Variants in SLC9C1 observed in about 807,000 individuals in gnomAD.
SLC9C1 encodes solute carrier family 9 member C1.
In SLC9C1, 97 loss-of-function variants were observed where a neutral mutation model predicts 140.9. The observed-to-expected ratio is 0.69, with a 90% CI of 0.58 to 0.82. The LOEUF is 0.82. SLC9C1 is among the 40% of genes least tolerant of loss of function. SLC9C1 has a pLI of 0.00. For missense variants in SLC9C1, 1,340 were observed against 1,389.3 expected, an observed-to-expected ratio of 0.96 and a Z score of 0.56; for synonymous variants, 440 against 442.6, an observed-to-expected ratio of 0.99 and a Z score of 0.07.
intron 12 of SLC9C1, among the ~76,000 whole-genome samples, chr3:112,233,605 A>G (rs1489503237): frequency 6.6e-6 from 1 of 150,850 alleles, no homozygotes; most frequent in African/African-American, 2.4e-5. Context: ...TACATTAGGT[A>G]TCTCTCGTAA....
chr3:112,288,659 G>A (rs549499288), intron 1 of SLC9C1, among the ~76,000 whole-genome samples: 3 of 152,272 alleles, frequency 2.0e-5, no homozygotes, highest in African/African-American at 7.2e-5. Flanking sequence ...GAGGCTGAGG[G>A]GGTGGTGGGA....
At chr3:112,165,079 G>T (rs974218484) in intron 26 of SLC9C1, among the ~76,000 whole-genome samples, 1 of 152,164 alleles carries the variant, frequency 6.6e-6, no homozygotes, top group Non-Finnish European at 1.5e-5. Context: ...ACTGAGGCTT[G>T]TGCGTTCATC....
intron 24 of SLC9C1, 39 bp from the exon 25 acceptor site, chr3:112,169,101 A>AT (rs2077196505): frequency 6.4e-7 from 1 of 1,573,522 alleles, no homozygotes; most frequent in African/African-American, 1.4e-5. Context: ...TTATTAGTCT[A>AT]TGAAGTTCAG....
intron 13 of SLC9C1, among the ~76,000 whole-genome samples, chr3:112,227,300 T>C (rs2078707651): frequency 1.3e-5 from 2 of 152,106 alleles, no homozygotes; most frequent in African/African-American, 2.4e-5. Flanking sequence ...AAGAAAACTA[T>C]AGGCTAATAT....
intron 20 of SLC9C1, among the ~76,000 whole-genome samples, chr3:112,196,689 C>T (rs577886299): frequency 2.0e-5 from 3 of 152,118 alleles, no homozygotes; most frequent in East Asian, 1.9e-4. Context: ...TTTAGATTTT[C>T]GTTATTGTAC....
chr3:112,230,924 T>TA (rs1174569816), intron 13 of SLC9C1, among the ~76,000 whole-genome samples: 3 of 152,200 alleles, frequency 2.0e-5, no homozygotes, highest in Admixed American at 6.6e-5. Flanking sequence ...GATTTGGCTG[T>TA]ATCATTACAT....
intron 26 of SLC9C1, among the ~76,000 whole-genome samples, chr3:112,161,669 T>A (rs1048372189): frequency 6.6e-6 from 1 of 152,150 alleles, no homozygotes; most frequent in Non-Finnish European, 1.5e-5. Context: ...TTTTGGTTAC[T>A]GCAGCCTTGT....
chr3:112,251,053 C>G (rs2079441566), intron 10 of SLC9C1, among the ~76,000 whole-genome samples: 1 of 152,072 alleles, frequency 6.6e-6, no homozygotes, highest in Non-Finnish European at 1.5e-5. Flanking sequence ...GAATACTATG[C>G]AGTCATAAAA....
intron 28 of SLC9C1, among the ~76,000 whole-genome samples, chr3:112,145,108 C>G (rs2074747337): frequency 1.3e-5 from 2 of 151,884 alleles, no homozygotes; most frequent in Admixed American, 6.6e-5. Context: ...CTTGATGGCT[C>G]CTATTATTTT....
Position 112,167,582 on chromosome 3 carries a change from AT to A in SLC9C1, c.3238-236del, listed in dbSNP as rs2077163311. Among the ~76,000 whole-genome samples, 5 of 152,190 alleles carry A rather than the reference AT, an allele frequency of 3.3e-5. No individual in the cohort carries two copies. The South Asian group carries it at 6.2e-4, about 19-fold the overall frequency. Reference sequence around the variant, plus strand: ...AATATTTCTATTCCATATGAAAAAAATGATTAAGAATGAATTACCAATGGCC... The same window carrying A: ...AATATTTCTATTCCATATGAAAAAAAGATTAAGAATGAATTACCAATGGCC... On this transcript the variant is annotated intron_variant, in intron 25 of 28. Transcript: ENST00000305815.
chr3:112,290,673 T>C (rs2080652744), intron 1 of SLC9C1, among the ~76,000 whole-genome samples: 1 of 152,158 alleles, frequency 6.6e-6, no homozygotes, highest in Non-Finnish European at 1.5e-5. Flanking sequence ...CCACTATTAT[T>C]ATGTGGGAGT....
At chr3:112,279,984 T>C (rs758042932) in intron 3 of SLC9C1, among the ~76,000 whole-genome samples, 6 of 152,230 alleles carry the variant, frequency 3.9e-5, no homozygotes, top group Admixed American at 3.9e-4. Context: ...TGACAAATAG[T>C]AAAGCTTATA....
intron 20 of SLC9C1, among the ~76,000 whole-genome samples, chr3:112,182,658 C>T (rs539703276): frequency 6.6e-6 from 1 of 152,154 alleles, no homozygotes; most frequent in Non-Finnish European, 1.5e-5. Flanking sequence ...AAAAAGTGTA[C>T]AAGTCATAAA....
chr3:112,192,173 C>A lies in SLC9C1; in HGVS notation c.2523+7148G>T, dbSNP rs527776119. ...TTCACTGGTATTAAGTACATTCATA[C>A]TGTTGCTTAACCATCACTACCATCC... On this transcript the variant is annotated intron_variant, in intron 20 of 28. Transcript: ENST00000305815. Among the ~76,000 whole-genome samples, 3 of 152,106 alleles carry A rather than the reference C, an allele frequency of 2.0e-5. 1 individual carries two copies. The South Asian group carries it at 6.2e-4, about 32-fold the overall frequency.
chr3:112,168,796 A>T, intron 25 of SLC9C1, 81 bp downstream of exon 25: 1 of 1,281,248 alleles, frequency 7.8e-7, no homozygotes, highest in East Asian at 2.4e-5. Context: ...GCTTAAGATT[A>T]TAGTGACAGT....
intron 13 of SLC9C1, among the ~76,000 whole-genome samples, chr3:112,226,104 C>T (rs1057431727): frequency 1.3e-5 from 2 of 152,162 alleles, no homozygotes; most frequent in Non-Finnish European, 1.5e-5. Context: ...TTCTCATCAG[C>T]ACACAGATCA....
intron 1 of SLC9C1, among the ~76,000 whole-genome samples, chr3:112,292,939 T>C (rs2080729084): frequency 6.6e-6 from 1 of 151,720 alleles, no homozygotes; most frequent in South Asian, 2.1e-4. Context: ...GAAAAAAATA[T>C]TGGTTTATCA....
intron 27 of SLC9C1, 37 bp downstream of exon 27, chr3:112,154,960 C>A: frequency 1.3e-6 from 2 of 1,583,184 alleles, no homozygotes; most frequent in South Asian, 2.3e-5. Flanking sequence ...CTCTTTTACC[C>A]AAAATACAAC....
chr3:112,240,112 A>C (rs1440337119), intron 11 of SLC9C1, 106 bp from the exon 12 acceptor site: 10 of 1,042,528 alleles, frequency 9.6e-6, no homozygotes, highest in Non-Finnish European at 1.2e-5. Context: ...TCTTTAAATA[A>C]AATTTCAACA....
Sources: gnomAD v4.1 joint callset for allele counts (sites outside exome capture counted in the v4.1 genomes callset) on GRCh38, gnomAD v4.1.1 for gene constraint, MANE v1.5 for transcripts, NCBI Gene and HGNC (gene_info 2026-07-23, HGNC 2026-07-21) for gene names.